Variants in GATA4 observed in about 807,000 individuals in gnomAD.
The protein encoded by GATA4 is GATA binding protein 4.
In GATA4, 7 loss-of-function variants were observed where a neutral mutation model predicts 37.9. The observed-to-expected ratio is 0.18, with a 90% confidence interval of 0.11 to 0.35. The LOEUF (loss-of-function observed/expected upper bound fraction) is 0.35, where lower values mean the gene tolerates loss of function less well. GATA4 is among the 10% of genes least tolerant of loss of function. The pLI is 1.00. For missense variants in GATA4, 647 were observed against 653.0 expected (o/e 0.99, Z 0.10); for synonymous variants, 372 against 292.6 (o/e 1.27, Z -2.77).
intron 2 of GATA4, among the ~76,000 whole-genome samples, chr8:11,735,453 A>G (rs1252418499): frequency 6.6e-6 from 1 of 152,252 alleles, no homozygotes; most frequent in Non-Finnish European, 1.5e-5. Context: ...AAAAATGTTA[A>G]TTAATGCAGT....
chr8:11,733,970 T>C (rs1801331545), intron 2 of GATA4, among the ~76,000 whole-genome samples: 1 of 152,254 alleles, frequency 6.6e-6, no homozygotes, highest in African/African-American at 2.4e-5. Context: ...ATGAACCACA[T>C]AGAGGTTTTG....
At chr8:11,694,606 A>G in intron 1 of GATA4, 1 of 683,296 alleles carries the variant, frequency 1.5e-6, no homozygotes, top group Non-Finnish European at 1.8e-6. Context: ...TGTTCCTAAG[A>G]GGAAACACAA....
chr8:11,696,148 G>A lies in GATA4; in HGVS notation c.-729+3488G>A, dbSNP rs117363989. Among the ~76,000 whole-genome samples, 38 of 152,188 alleles carry A rather than the reference G, an allele frequency of 2.5e-4. No individual in the cohort carries two copies. In the East Asian group the frequency reaches 6.9e-3, roughly 28 times the overall value. On this transcript the variant is annotated intron_variant, in intron 1 of 2. Transcript: ENST00000526974. ...TTTATTGAAGTGCAACTTATATACA[G>A]TAAATTCACTCCTTTTAGTGTACAG...
chr8:11,704,728 G>A (rs1289413512), intron 1 of GATA4, among the ~76,000 whole-genome samples: 1 of 152,244 alleles, frequency 6.6e-6, no homozygotes, highest in African/African-American at 2.4e-5. Flanking sequence ...GAGGCTTGTC[G>A]CCCACCAGCG....
intron 2 of GATA4, 88 bp from the exon 3 acceptor site, chr8:11,748,828 G>T (rs548661924): frequency 1.4e-6 from 2 of 1,469,600 alleles, no homozygotes; most frequent in African/African-American, 1.4e-5. Flanking sequence ...CATTGTTTCT[G>T]TGCGCTCTAG....
At chr8:11,681,750 A>T (rs1337921264) in intron 1 of GATA4, among the ~76,000 whole-genome samples, 3 of 151,586 alleles carry the variant, frequency 2.0e-5, no homozygotes, top group Non-Finnish European at 4.4e-5. Context: ...CTCCCCGCTT[A>T]CTTTGTTCTT....
At chr8:11,715,840 T>TA (rs1800412231) in intron 2 of GATA4, among the ~76,000 whole-genome samples, 2 of 152,176 alleles carry the variant, frequency 1.3e-5, no homozygotes, top group Non-Finnish European at 2.9e-5. Flanking sequence ...CTTTAGAACT[T>TA]AAACTCTGCC....
chr8:11,715,742 G>GA (rs886126457), intron 2 of GATA4, among the ~76,000 whole-genome samples: 38 of 145,610 alleles, frequency 2.6e-4, no homozygotes, highest in East Asian at 1.0e-3. Context: ...CTCCATCTCA[G>GA]AAAAAAAAAA....
rs1406293810 is a variant in GATA4, at chr8:11,758,641, G to A, written c.*166G>A. 5.5e-6 allele frequency: 4 copies of A among 721,940 alleles called. No individual in the cohort carries two copies. Among genetic ancestry groups the A allele is most frequent in the Non-Finnish European group, 9.6e-6 (4 of 415,896 alleles). 44.7% of individuals were successfully genotyped at this position (721,940 alleles called of 1,614,324 possible). ...GACAATCTGGTTAGGGGAAGCGGGT[G>A]TTGGATTTTCTCAGATGCCTTTACA... is the stretch of plus-strand genomic sequence containing the variant. On this transcript the variant is annotated 3_prime_UTR_variant, in exon 7 of 7. Transcript: ENST00000532059.
intron 2 of GATA4, among the ~76,000 whole-genome samples, chr8:11,740,764 C>G (rs1801696140): frequency 6.6e-6 from 1 of 150,946 alleles, no homozygotes; most frequent in Non-Finnish European, 1.5e-5. Flanking sequence ...GACACGGTCT[C>G]ACTCTGTCGC....
At chr8:11,737,176 C>T (rs188492581) in intron 2 of GATA4, among the ~76,000 whole-genome samples, 285 of 152,142 alleles carry the variant, frequency 1.9e-3, no homozygotes, top group Admixed American at 4.3e-3. Flanking sequence ...ACAGTCCCCA[C>T]GTATAAATTT....
rs997593773 is a variant in GATA4 at position 11,709,578 on chromosome 8, G to GC, written c.616+650_616+651insC. Among the ~76,000 whole-genome samples the GC allele has an allele frequency of 7.8e-5, 9 of 115,392 alleles. No homozygotes were observed. Among genetic ancestry groups the GC allele is most frequent in the Non-Finnish European group, 1.5e-4 (9 of 60,148 alleles). 75.7% of individuals were successfully genotyped at this position (115,392 alleles called of 152,430 possible). On this transcript the variant is annotated intron_variant, in intron 2 of 6. Coordinates refer to ENST00000532059, the MANE Select transcript of GATA4 (RefSeq NM_001308093.3). This position sits in a 1 kb window ranked among gnomAD's most constrained non-coding sequence, Gnocchi z 4.3. ...CGTGGGCGCATCATGCGGGCAGCGG[G>GC]GGGGGGGGCGCACACGCCCGGTCAG...
upstream of GATA4, among the ~76,000 whole-genome samples, chr8:11,703,281 G>A (rs539149059): frequency 6.6e-6 from 1 of 152,152 alleles, no homozygotes; most frequent in South Asian, 2.1e-4. Context: ...GCGGTAATAG[G>A]GCCCTGTGAT....
At chr8:11,690,462 G>T (rs2409811), upstream of GATA4, among the ~76,000 whole-genome samples, 77,103 of 152,066 alleles carry the variant, frequency 0.51, 23,295 homozygotes, top group East Asian at 0.73. Context: ...TAGAGAGGCA[G>T]ATGTATAGAC....
chr8:11,749,115 G>A lies in GATA4; in HGVS notation c.786+30G>A. 1 of 1,611,010 alleles carries A rather than the reference G, an allele frequency of 6.2e-7. No individual in the cohort carries two copies. The highest frequency in any genetic ancestry group is 8.5e-7 in the Non-Finnish European group (1 of 1,178,232). On this transcript the variant is annotated intron_variant, in intron 3 of 6. Coordinates refer to ENST00000532059, the MANE Select transcript of GATA4 (RefSeq NM_001308093.3). This position sits in a 1 kb window ranked among gnomAD's most constrained non-coding sequence, Gnocchi z 4.6. The stretch of plus-strand genomic sequence containing the variant: ...GCACGTGCCTCGCAGCCTCCTCTGG[G>A]CACCTGGCTGCGGAGCTCTCGCCTT...
chr8:11,703,774 C>T (rs1385460518), upstream of GATA4, among the ~76,000 whole-genome samples: 1 of 152,224 alleles, frequency 6.6e-6, no homozygotes, highest in Non-Finnish European at 1.5e-5. Context: ...AGCATCCAGC[C>T]GGGCACCCCG....
chr8:11,748,904 C>A lies in GATA4; in HGVS notation c.617-12C>A, dbSNP rs763950464. The stretch of plus-strand genomic sequence containing the variant: ...CCTCTGTGTCTTTTCTTGTCTGTTC[C>A]CCCCAACTCAGTAGATATGTTTGAC... On this transcript the variant is annotated splice_polypyrimidine_tract_variant and intron_variant, in intron 2 of 6. Transcript: ENST00000532059. 38 of 1,613,978 alleles carry A rather than the reference C, an allele frequency of 2.4e-5. No individual in the cohort carries two copies. Among genetic ancestry groups the A allele is most frequent in the Non-Finnish European group, 3.0e-5 (35 of 1,179,966 alleles).
At chr8:11,731,005 T>C (rs367814053) in intron 2 of GATA4, among the ~76,000 whole-genome samples, 92 of 152,364 alleles carry the variant, frequency 6.0e-4, no homozygotes, top group Admixed American at 2.0e-3. Context: ...CGGGCAGTCT[T>C]CCTTCCCTCT....
chr8:11,684,851 A>G (rs1475724224), intron 1 of GATA4, among the ~76,000 whole-genome samples: 1 of 152,236 alleles, frequency 6.6e-6, no homozygotes, highest in African/African-American at 2.4e-5. Flanking sequence ...TATCTGACAC[A>G]CTGATAAATA....
Sources: gnomAD v4.1 joint callset for allele counts (sites outside exome capture counted in the v4.1 genomes callset) on GRCh38, gnomAD v4.1.1 for gene constraint, Gnocchi (gnomAD v3.1) non-coding constraint, MANE v1.5 for transcripts, NCBI Gene and HGNC (gene_info 2026-07-23, HGNC 2026-07-21) for gene names.